Variants in PDGFRL observed in about 807,000 individuals in gnomAD.
The protein encoded by PDGFRL is platelet derived growth factor receptor like.
Under a neutral mutation model 37.2 loss-of-function variants are expected in PDGFRL, and 46 were observed. That is an observed-to-expected ratio of 1.24 (90% CI 0.98 to 1.58). PDGFRL has a LOEUF of 1.58. Ranked by LOEUF, PDGFRL falls within the 40% of genes most tolerant of loss-of-function variation. PDGFRL has a pLI of 0.00. For synonymous variants in PDGFRL, 251 were observed against 184.3 expected (o/e 1.36, Z -2.93); for missense variants, 692 against 467.6 (o/e 1.48, Z -4.43).
chr8:17,622,313 C>G (rs577777340), intron 3 of PDGFRL, among the ~76,000 whole-genome samples: 1 of 152,336 alleles, frequency 6.6e-6, no homozygotes, highest in East Asian at 1.9e-4. Context: ...TCGTCCAAGA[C>G]ATTTCAGGTG....
intron 2 of PDGFRL, among the ~76,000 whole-genome samples, chr8:17,593,547 G>A (rs112459924): frequency 0.86 from 129,564 of 151,204 alleles, 57,467 homozygotes; most frequent in Non-Finnish European, 0.97. Context: ...GCAGTGAGCC[G>A]TGATCATACC....
chr8:17,599,438 A>T (rs568995448), intron 2 of PDGFRL, among the ~76,000 whole-genome samples: 32 of 152,288 alleles, frequency 2.1e-4, no homozygotes, highest in African/African-American at 7.5e-4. Flanking sequence ...ATAGTCTCCA[A>T]TTCTGGGCTC....
At chr8:17,588,592 G>C (rs1803867268) in intron 1 of PDGFRL, among the ~76,000 whole-genome samples, 1 of 152,150 alleles carries the variant, frequency 6.6e-6, no homozygotes, top group Non-Finnish European at 1.5e-5. Context: ...AGGATCACTT[G>C]AGCCCAGGAG....
At chr8:17,611,816 A>G (rs1804423363) in intron 2 of PDGFRL, among the ~76,000 whole-genome samples, 1 of 152,194 alleles carries the variant, frequency 6.6e-6, no homozygotes, top group Non-Finnish European at 1.5e-5. Context: ...GGGATGGGGG[A>G]GACATTTCTC....
At chr8:17,586,908 C>T (rs1437169556) in intron 1 of PDGFRL, among the ~76,000 whole-genome samples, 22 of 152,166 alleles carry the variant, frequency 1.4e-4, no homozygotes. Context: ...ATTTTGCCAC[C>T]TATTTCTCTA....
At chr8:17,584,200 G>A (rs772480893) in intron 1 of PDGFRL, among the ~76,000 whole-genome samples, 5 of 152,170 alleles carry the variant, frequency 3.3e-5, no homozygotes, top group Non-Finnish European at 7.3e-5. Flanking sequence ...GTGCGACTTG[G>A]AGGTTTTTGT....
intron 1 of PDGFRL, among the ~76,000 whole-genome samples, chr8:17,584,903 A>T (rs1215328042): frequency 2.0e-5 from 3 of 152,142 alleles, no homozygotes; most frequent in African/African-American, 7.2e-5. Context: ...CTTCATAGGC[A>T]GAGCAGCGGC....
Position 17,577,234 on chromosome 8 carries a change from G to C in PDGFRL, c.-19G>C. ...CGCAGCCGCCGCGCTCCTGCGCTCCGAGGTCCGAGGTTCCCGAGATGAAGG... is the reference window on the plus strand; with the variant it reads ...CGCAGCCGCCGCGCTCCTGCGCTCCCAGGTCCGAGGTTCCCGAGATGAAGG... On this transcript the variant is annotated 5_prime_UTR_variant, in exon 1 of 6. Coordinates refer to ENST00000251630, the MANE Select transcript of PDGFRL (RefSeq NM_001372073.1). 1.2e-6 allele frequency: 2 copies of C among 1,610,376 alleles called. No individual in the cohort carries two copies. Among genetic ancestry groups the C allele is most frequent in the Non-Finnish European group, 1.7e-6 (2 of 1,178,672 alleles).
intron 2 of PDGFRL, among the ~76,000 whole-genome samples, chr8:17,602,626 T>G (rs1458038348): frequency 6.6e-6 from 1 of 152,154 alleles, no homozygotes; most frequent in Non-Finnish European, 1.5e-5. Context: ...CCACATTGAT[T>G]TAGGGTAGCT....
intron 2 of PDGFRL, among the ~76,000 whole-genome samples, chr8:17,593,456 G>A (rs557022224): frequency 6.7e-6 from 1 of 149,284 alleles, no homozygotes; most frequent in South Asian, 2.1e-4. Flanking sequence ...AATTTAACCT[G>A]GCTTTGTAGT....
At chr8:17,638,738 C>CATATATATAT (rs56085770) in intron 5 of PDGFRL, among the ~76,000 whole-genome samples, 25 of 47,360 alleles carry the variant, frequency 5.3e-4, no homozygotes, top group Admixed American at 1.2e-3. Flanking sequence ...GCATTAGGTG[C>CATATATATAT]ATATATATAT....
chr8:17,632,343 A>T (rs1193527388), intron 4 of PDGFRL, among the ~76,000 whole-genome samples: 1 of 145,024 alleles, frequency 6.9e-6, no homozygotes, highest in Non-Finnish European at 1.5e-5. Flanking sequence ...ACTGTAGCTG[A>T]TTTTTTTTTT....
intron 2 of PDGFRL, among the ~76,000 whole-genome samples, chr8:17,595,866 C>T (rs1309521825): frequency 6.6e-6 from 1 of 152,152 alleles, no homozygotes; most frequent in Admixed American, 6.5e-5. Flanking sequence ...CTGTACAACT[C>T]GAGGGGCCTT....
intron 2 of PDGFRL, among the ~76,000 whole-genome samples, chr8:17,602,393 G>A (rs1049203658): frequency 1.3e-5 from 2 of 152,162 alleles, no homozygotes; most frequent in Admixed American, 1.3e-4. Context: ...CCACTTCAGA[G>A]CTCTGTGGTA....
intron 2 of PDGFRL, among the ~76,000 whole-genome samples, chr8:17,607,364 T>G (rs1490984514): frequency 6.6e-6 from 1 of 152,112 alleles, no homozygotes; most frequent in African/African-American, 2.4e-5. Flanking sequence ...CTGCTAACTC[T>G]TACTTAAAAA....
chr8:17,599,549 A>G (rs980734096), intron 2 of PDGFRL, among the ~76,000 whole-genome samples: 1 of 152,098 alleles, frequency 6.6e-6, no homozygotes, highest in South Asian at 2.1e-4. Context: ...GACCCTGTTC[A>G]TCTACTTTCT....
intron 1 of PDGFRL, among the ~76,000 whole-genome samples, chr8:17,588,068 CCTTA>C (rs2150811440): frequency 6.6e-6 from 1 of 152,134 alleles, no homozygotes; most frequent in African/African-American, 2.4e-5. Context: ...AATAAGGGTG[CCTTA>C]CTTATAGAGA....
chr8:17,609,838 C>T (rs3862079), intron 2 of PDGFRL, among the ~76,000 whole-genome samples: 2 of 151,834 alleles, frequency 1.3e-5, no homozygotes, highest in East Asian at 3.9e-4. Context: ...AAACTCAAAT[C>T]AAGCCATATT....
intron 2 of PDGFRL, among the ~76,000 whole-genome samples, chr8:17,615,296 T>C (rs560377055): frequency 3.4e-4 from 46 of 136,288 alleles, no homozygotes; most frequent in African/African-American, 1.2e-3. Context: ...ATCTCTCATA[T>C]TTTTGTTTGT....
Sources: gnomAD v4.1 joint callset for allele counts (sites outside exome capture counted in the v4.1 genomes callset) on GRCh38, gnomAD v4.1.1 for gene constraint, MANE v1.5 for transcripts, NCBI Gene and HGNC (gene_info 2026-07-23, HGNC 2026-07-21) for gene names.